Variants in GRB2 observed in about 807,000 individuals in gnomAD.
The protein encoded by GRB2 is growth factor receptor-bound protein 2.
Under a neutral mutation model 27.4 loss-of-function variants are expected in GRB2, and 2 were observed. The ratio of observed to expected loss-of-function variants is 0.07; its 90% CI spans 0.03 to 0.23. The LOEUF (loss-of-function observed/expected upper bound fraction) is 0.23, where lower values mean the gene tolerates loss of function less well. Among genes scored for constraint, GRB2 ranks in the 10% least tolerant of loss-of-function variants. The pLI is 1.00. For missense variants in GRB2, 102 were observed against 282.4 expected (o/e 0.36, Z 4.58); for synonymous variants, 94 against 99.6 (o/e 0.94, Z 0.33).
intron 2 of GRB2, among the ~76,000 whole-genome samples, chr17:75,353,853 A>T (rs760066056): frequency 3.3e-5 from 5 of 152,026 alleles, no homozygotes; most frequent in Non-Finnish European, 7.4e-5. Flanking sequence ...AGCCTGGCCA[A>T]CATGGAGAAA....
chr17:75,336,433 A>C (rs1329558130), intron 2 of GRB2, among the ~76,000 whole-genome samples: 1 of 152,198 alleles, frequency 6.6e-6, no homozygotes, highest in Non-Finnish European at 1.5e-5. Flanking sequence ...AAAACAGAAC[A>C]AAGTAATCAT....
intron 1 of GRB2, among the ~76,000 whole-genome samples, chr17:75,402,502 G>C (rs2079070079): frequency 6.6e-6 from 1 of 152,172 alleles, no homozygotes; most frequent in East Asian, 1.9e-4. Context: ...ATTTTAAGTT[G>C]AATTACTTAA....
intron 4 of GRB2, among the ~76,000 whole-genome samples, chr17:75,324,366 A>ATTTTTTTT (rs1156329058): frequency 5.1e-4 from 48 of 93,300 alleles, no homozygotes; most frequent in Middle Eastern, 6.2e-3. Flanking sequence ...CCATTTTTGT[A>ATTTTTTTT]TTTTTTTTTT....
chr17:75,328,792 G>C (rs1472832146), intron 3 of GRB2, among the ~76,000 whole-genome samples: 2 of 151,836 alleles, frequency 1.3e-5, no homozygotes, highest in African/African-American at 4.8e-5. Flanking sequence ...CAAAAAATTA[G>C]CCAGGCGTGG....
intron 2 of GRB2, among the ~76,000 whole-genome samples, chr17:75,336,494 ACT>A (rs2145829144): frequency 6.6e-6 from 1 of 152,088 alleles, no homozygotes; most frequent in African/African-American, 2.4e-5. Flanking sequence ...GAAAAAGATA[ACT>A]CTATTTACCT....
At chr17:75,383,918 G>A (rs1219650615) in intron 2 of GRB2, among the ~76,000 whole-genome samples, 2 of 152,156 alleles carry the variant, frequency 1.3e-5, no homozygotes, top group East Asian at 3.9e-4. Context: ...TATGACCCCA[G>A]GAAGGTAGGA....
chr17:75,329,163 C>T (rs2164244), intron 3 of GRB2, among the ~76,000 whole-genome samples: 92,216 of 151,754 alleles, frequency 0.61, 32,117 homozygotes, highest in East Asian at 0.87. Flanking sequence ...CTCCCCACCA[C>T]TGCCACTTCC....
chr17:75,353,909 G>A (rs1171828590), intron 2 of GRB2, among the ~76,000 whole-genome samples: 3 of 147,522 alleles, frequency 2.0e-5, no homozygotes, highest in Non-Finnish European at 4.5e-5. Flanking sequence ...GCATGGTGGT[G>A]CATGCCTGTA....
chr17:75,374,213 C>A (rs1399591478), intron 2 of GRB2, among the ~76,000 whole-genome samples: 6 of 151,486 alleles, frequency 4.0e-5, no homozygotes, highest in Admixed American at 2.6e-4. Context: ...TGAGACCAGC[C>A]TGGCCATTAT....
At chr17:75,363,859 CAAAAAAAAAAAAAAAAAAAAAAA>C (rs55746272) in intron 2 of GRB2, among the ~76,000 whole-genome samples, 9 of 58,524 alleles carry the variant, frequency 1.5e-4, no homozygotes, top group South Asian at 7.3e-4. Context: ...GACTCCGTCT[CAAAAAAAAAAAAAAAAAAAAAAA>C]AAAAAAAAAA....
At chr17:75,342,552 G>C (rs1274859377) in intron 2 of GRB2, among the ~76,000 whole-genome samples, 1 of 152,080 alleles carries the variant, frequency 6.6e-6, no homozygotes, top group Non-Finnish European at 1.5e-5. Flanking sequence ...ATACAGGCAT[G>C]AGCCACCGCA....
At chr17:75,365,954 T>C (rs1355057118) in intron 2 of GRB2, among the ~76,000 whole-genome samples, 1 of 152,200 alleles carries the variant, frequency 6.6e-6, no homozygotes, top group Non-Finnish European at 1.5e-5. Context: ...TTCCTCTCTT[T>C]CATAGTCGTA....
chr17:75,383,986 T>C (rs2078946294), intron 2 of GRB2, among the ~76,000 whole-genome samples: 1 of 152,178 alleles, frequency 6.6e-6, no homozygotes, highest in Non-Finnish European at 1.5e-5. Context: ...TCCCGTAAAT[T>C]GCCCAAGATC....
At chr17:75,386,914 G>A (rs1300161898) in intron 2 of GRB2, among the ~76,000 whole-genome samples, 5 of 152,250 alleles carry the variant, frequency 3.3e-5, no homozygotes, top group East Asian at 1.9e-4. Flanking sequence ...GGTGGCTCAC[G>A]CCTGTAACCC....
At chr17:75,346,347 T>C (rs2078654853) in intron 2 of GRB2, among the ~76,000 whole-genome samples, 2 of 151,724 alleles carry the variant, frequency 1.3e-5, no homozygotes, top group South Asian at 2.1e-4. Context: ...ATACAAAAAA[T>C]TATCTGGGCA....
At chr17:75,332,976 TA>T (rs1233175585) in intron 2 of GRB2, among the ~76,000 whole-genome samples, 179 bp from the exon 3 acceptor site, 1 of 152,194 alleles carries the variant, frequency 6.6e-6, no homozygotes, top group African/African-American at 2.4e-5. Flanking sequence ...TAAACTCTGT[TA>T]AAATGAAACA....
At chr17:75,334,957 A>T (rs1332636821) in intron 2 of GRB2, among the ~76,000 whole-genome samples, 1 of 150,816 alleles carries the variant, frequency 6.6e-6, no homozygotes, top group Non-Finnish European at 1.5e-5. Context: ...GGTTCAAGCT[A>T]TCCTCCCATT....
intron 2 of GRB2, among the ~76,000 whole-genome samples, chr17:75,354,269 G>C (rs889616632): frequency 9.7e-6 from 1 of 103,228 alleles, no homozygotes; most frequent in Non-Finnish European, 2.3e-5. Flanking sequence ...TTTTTTGGGG[G>C]GGGGGGGGAG....
At chr17:75,387,090 G>A (rs2078969003) in intron 2 of GRB2, among the ~76,000 whole-genome samples, 1 of 151,764 alleles carries the variant, frequency 6.6e-6, no homozygotes, top group East Asian at 1.9e-4. Flanking sequence ...GAACCCAGGA[G>A]GCGGAGCTTG....
Sources: allele counts gnomAD v4.1 joint callset (sites outside exome capture counted in the v4.1 genomes callset), GRCh38; gene constraint gnomAD v4.1.1; transcripts MANE v1.5; gene names NCBI Gene and HGNC (gene_info 2026-07-23, HGNC 2026-07-21).